The following CENPP variants were observed in gnomAD, a reference collection of about 807,000 sequenced individuals.
The protein encoded by CENPP is centromere protein P.
A neutral mutation model predicts 35.6 loss-of-function variants in CENPP; 24 were observed. The ratio of observed to expected loss-of-function variants is 0.67; its 90% confidence interval spans 0.49 to 0.95. CENPP has a LOEUF of 0.95. CENPP is among the 40% of genes least tolerant of loss of function. CENPP has a pLI of 0.00. For missense variants in CENPP, 332 were observed against 345.3 expected (o/e 0.96, Z 0.31); for synonymous variants, 120 against 125.5 (o/e 0.96, Z 0.29).
At chr9:92,563,759 C>T (rs1849899359) in intron 5 of CENPP, among the ~76,000 whole-genome samples, 1 of 149,330 alleles carries the variant, frequency 6.7e-6, no homozygotes, top group Admixed American at 6.7e-5. Context: ...CCTCCCTCCC[C>T]CTCTTCCTCC....
chr9:92,471,287 C>T (rs549019763), intron 5 of CENPP, among the ~76,000 whole-genome samples: 4 of 151,808 alleles, frequency 2.6e-5, no homozygotes, highest in East Asian at 3.9e-4. Context: ...ACCTCGGCCT[C>T]CCGGGTTCCA....
rs1186510611 is a variant in CENPP, at chr9:92,532,030, TTTTA to T, written c.565-79280_565-79277del. Among the ~76,000 whole-genome samples the T allele has an allele frequency of 3.5e-4, 44 of 125,760 alleles. 10 individuals carry two copies. Among genetic ancestry groups the T allele is most frequent in the African/African-American group, 1.2e-3 (34 of 28,104 alleles). 82.5% of individuals were successfully genotyped at this position (125,760 alleles called of 152,430 possible). On this transcript the variant is annotated intron_variant, in intron 5 of 7. Transcript: ENST00000375587. ...TTTATTTAATGTTTTTTTTTTTTTA[TTTTA>T]TTTTTTTTTTGAGATGAGGTCTCAC...
intron 5 of CENPP, among the ~76,000 whole-genome samples, chr9:92,553,598 G>T (rs1308419370): frequency 1.3e-5 from 2 of 151,996 alleles, no homozygotes; most frequent in African/African-American, 4.8e-5. Context: ...GTGTTTTGTA[G>T]TTTTCCTTGT....
chr9:92,541,278 A>G (rs1849312193), intron 5 of CENPP, among the ~76,000 whole-genome samples: 1 of 152,058 alleles, frequency 6.6e-6, no homozygotes, highest in South Asian at 2.1e-4. Context: ...TAAAATAAAA[A>G]TTATCATCTC....
At chr9:92,564,512 A>T (rs1849920777) in intron 5 of CENPP, among the ~76,000 whole-genome samples, 1 of 152,194 alleles carries the variant, frequency 6.6e-6, no homozygotes, top group Non-Finnish European at 1.5e-5. Flanking sequence ...ATTTAGTTGG[A>T]TGTAGGGAAA....
At chr9:92,557,132 G>T (rs1849742103) in intron 5 of CENPP, among the ~76,000 whole-genome samples, 2 of 152,152 alleles carry the variant, frequency 1.3e-5, no homozygotes, top group African/African-American at 4.8e-5. Context: ...TAATTGTTTT[G>T]TTTGAGGAGT....
rs1463344499 is a variant in CENPP at position 92,557,606 on chromosome 9, G to A, written c.565-53708G>A. The stretch of plus-strand genomic sequence containing the variant: ...TGAATTTCTTTCTTCTACTTGTTCA[G>A]TTCTATTGCTGAGACTTTCCAGAGC... On this transcript the variant is annotated intron_variant, in intron 5 of 7. Transcript: ENST00000375587. Among the ~76,000 whole-genome samples, 5 of 152,112 alleles carry A rather than the reference G, an allele frequency of 3.3e-5. No individual in the cohort carries two copies. In the South Asian group the frequency reaches 1.0e-3, roughly 32 times the overall value.
chr9:92,375,647 G>T (rs931332636), intron 4 of CENPP, among the ~76,000 whole-genome samples: 1 of 152,074 alleles, frequency 6.6e-6, no homozygotes, highest in African/African-American at 2.4e-5. Flanking sequence ...CCCCTTTAGT[G>T]AATTTTTAAT....
rs1208824090 is a variant in CENPP at position 92,593,123 on chromosome 9, T to C, written c.565-18191T>C. Among the ~76,000 whole-genome samples, 3 of 152,184 alleles carry C rather than the reference T, an allele frequency of 2.0e-5. No individual in the cohort carries two copies. The highest frequency in any genetic ancestry group is 4.4e-5 in the Non-Finnish European group (3 of 68,026). Reference sequence around the variant, plus strand: ...GGCATCATCTGCCCTAAGCATCCACTTCTCAATCCCAGGTGGCAGGAGAGC... The same window carrying C: ...GGCATCATCTGCCCTAAGCATCCACCTCTCAATCCCAGGTGGCAGGAGAGC... On this transcript the variant is annotated intron_variant, in intron 5 of 7. Coordinates refer to ENST00000375587, the MANE Select transcript of CENPP (RefSeq NM_001012267.3). The surrounding 1 kb of genome is among the most constrained non-coding windows in gnomAD (Gnocchi z 4.1).
intron 4 of CENPP, among the ~76,000 whole-genome samples, chr9:92,378,147 C>A (rs1361046901): frequency 1.3e-5 from 2 of 152,120 alleles, no homozygotes; most frequent in Non-Finnish European, 1.5e-5. Flanking sequence ...ATAGCAGTAC[C>A]CGATTGGGAG....
intron 5 of CENPP, among the ~76,000 whole-genome samples, chr9:92,499,498 T>C (rs1219111684): frequency 6.6e-6 from 1 of 152,206 alleles, no homozygotes; most frequent in Non-Finnish European, 1.5e-5. Context: ...GGTTCAATGA[T>C]GGAGGAGTAA....
intron 5 of CENPP, among the ~76,000 whole-genome samples, chr9:92,573,726 C>CT (rs368699206): frequency 0.052 from 7,888 of 152,314 alleles, 241 homozygotes; most frequent in South Asian, 0.1. Context: ...GGCAGGCCTA[C>CT]TGAGCTGCAG....
chr9:92,349,153 C>G (rs1841379261), intron 4 of CENPP, among the ~76,000 whole-genome samples: 1 of 151,804 alleles, frequency 6.6e-6, no homozygotes, highest in Non-Finnish European at 1.5e-5. Flanking sequence ...TGCCTTTTTT[C>G]CTTTGTGTTT....
chr9:92,459,479 CCTACT>C (rs778812799), intron 5 of CENPP, among the ~76,000 whole-genome samples: 4 of 152,248 alleles, frequency 2.6e-5, no homozygotes, highest in Non-Finnish European at 5.9e-5. Flanking sequence ...CTAAAGCTCT[CCTACT>C]TCTTAAAACA....
At chr9:92,471,344 G>A (rs1845507190) in intron 5 of CENPP, among the ~76,000 whole-genome samples, 1 of 151,748 alleles carries the variant, frequency 6.6e-6, no homozygotes, top group Admixed American at 6.6e-5. Context: ...TTACAGGTGT[G>A]TGCCACCACG....
chr9:92,499,528 AG>A (rs1846548122), intron 5 of CENPP, among the ~76,000 whole-genome samples: 1 of 152,236 alleles, frequency 6.6e-6, no homozygotes, highest in African/African-American at 2.4e-5. Flanking sequence ...AGGAGATACC[AG>A]GCTGTGACCA....
chr9:92,445,605 C>G (rs58153336), intron 5 of CENPP, among the ~76,000 whole-genome samples: 3 of 151,992 alleles, frequency 2.0e-5, no homozygotes, highest in African/African-American at 4.8e-5. Context: ...TGTTATTGGC[C>G]GGGCGTGGTA....
At chr9:92,552,066 TATGATAGATCTATCATATATGTGA>T (rs1849617702) in intron 5 of CENPP, among the ~76,000 whole-genome samples, 3 of 132,746 alleles carry the variant, frequency 2.3e-5, no homozygotes, top group African/African-American at 3.2e-5. Flanking sequence ...ATATATGTGA[TATGATAGATCTATCATATATGTGA>T]TATGATAGAT....
chr9:92,425,641 G>T (rs376606223), intron 5 of CENPP, among the ~76,000 whole-genome samples: 3 of 152,136 alleles, frequency 2.0e-5, no homozygotes, highest in East Asian at 3.8e-4. Context: ...TTTTTACAAA[G>T]AACTCACAAG....
Sources: gnomAD v4.1 joint callset for allele counts (sites outside exome capture counted in the v4.1 genomes callset) on GRCh38, gnomAD v4.1.1 for gene constraint, Gnocchi (gnomAD v3.1) non-coding constraint, MANE v1.5 for transcripts, NCBI Gene and HGNC (gene_info 2026-07-23, HGNC 2026-07-21) for gene names.